BET1: variants seen among roughly 807,000 people sequenced by gnomAD.
BET1 encodes BET1 homolog.
A neutral mutation model predicts 13.9 loss-of-function variants in BET1; 9 were observed. That is an observed-to-expected ratio of 0.65 (90% CI 0.39 to 1.13). The LOEUF is 1.13. Ranked by LOEUF, BET1 falls within the 50% of genes most tolerant of loss-of-function variation. The pLI is 0.01. For synonymous variants in BET1, 39 were observed against 47.3 expected, an observed-to-expected ratio of 0.82 and a Z score of 0.72; for missense variants, 127 against 133.6, an observed-to-expected ratio of 0.95 and a Z score of 0.24.
At chr7:93,974,169 A>G (rs757899509) in intron 5 of BET1, among the ~76,000 whole-genome samples, 6 of 152,014 alleles carry the variant, frequency 3.9e-5, no homozygotes, top group Admixed American at 6.6e-5. Flanking sequence ...TTGGATTGGA[A>G]TTGTAGATAT....
chr7:93,983,671 T>C (rs1160241241), intron 4 of BET1, among the ~76,000 whole-genome samples: 1 of 152,184 alleles, frequency 6.6e-6, no homozygotes, highest in Non-Finnish European at 1.5e-5. Context: ...CAGAATATTT[T>C]CCTTGATTTC....
chr7:93,991,793 A>G, downstream of BET1: 5 of 966,976 alleles, frequency 5.2e-6, no homozygotes, highest in Non-Finnish European at 6.1e-6. Flanking sequence ...ATATTTAGTC[A>G]AAGTTTATTC....
At chr7:93,964,859 T>C (rs1795148887) in exon 7 of BET1, 1 of 152,000 alleles carries the variant, frequency 6.6e-6, no homozygotes, top group African/African-American at 2.4e-5. Context: ...AAGAGAACAC[T>C]TATACATAGT....
intron 6 of BET1, among the ~76,000 whole-genome samples, chr7:93,971,800 A>G (rs1040643011): frequency 6.6e-6 from 1 of 151,794 alleles, no homozygotes; most frequent in Admixed American, 6.6e-5. Context: ...TTCATTACTA[A>G]TGAGATTTAA....
chr7:93,983,740 C>A (rs954103799), intron 4 of BET1, among the ~76,000 whole-genome samples: 2 of 151,954 alleles, frequency 1.3e-5, no homozygotes, highest in African/African-American at 4.8e-5. Flanking sequence ...CAATTCAATT[C>A]TTCAGTCATG....
intron 4 of BET1, among the ~76,000 whole-genome samples, chr7:93,976,771 C>T (rs1461731444): frequency 6.6e-6 from 1 of 151,902 alleles, no homozygotes; most frequent in African/African-American, 2.4e-5. Flanking sequence ...TTTGGTGCAC[C>T]CATTACCTGA....
At chr7:93,983,148 C>T (rs1795457312) in intron 4 of BET1, among the ~76,000 whole-genome samples, 1 of 152,132 alleles carries the variant, frequency 6.6e-6, no homozygotes, top group South Asian at 2.1e-4. Flanking sequence ...TAAGGCATGA[C>T]CCATGGCTTG....
intron 4 of BET1, chr7:93,976,139 T>C (rs779996709): frequency 1.6e-4 from 179 of 1,135,114 alleles, no homozygotes; most frequent in Non-Finnish European, 1.9e-4. Flanking sequence ...CTAAATAATT[T>C]GAAAAAACAA....
exon 7 of BET1, chr7:93,965,190 T>C (rs934761736): frequency 1.3e-5 from 2 of 152,104 alleles, no homozygotes; most frequent in African/African-American, 4.8e-5. Flanking sequence ...TTGATCCATG[T>C]ACTTTGAGGA....
chr7:93,966,515 T>C (rs1353836164), intron 6 of BET1, among the ~76,000 whole-genome samples: 3 of 151,928 alleles, frequency 2.0e-5, no homozygotes, highest in Non-Finnish European at 4.4e-5. Context: ...GCCATTTCCT[T>C]TTCTAGTGCT....
At chr7:93,978,375 C>T (rs1289555806) in intron 4 of BET1, among the ~76,000 whole-genome samples, 2 of 152,094 alleles carry the variant, frequency 1.3e-5, no homozygotes, top group African/African-American at 2.4e-5. Context: ...GGCCTGCAAT[C>T]TCATTTTTAA....
chr7:93,996,193 A>C, intron 3 of BET1, 72 bp downstream of exon 3: 1 of 1,153,060 alleles, frequency 8.7e-7, no homozygotes, highest in South Asian at 1.3e-5. Context: ...TTTCAAAATG[A>C]ATAAAAGTTG....
chr7:93,991,465 T>C (rs771838901), downstream of BET1, among the ~76,000 whole-genome samples: 13 of 152,186 alleles, frequency 8.5e-5, no homozygotes, highest in Admixed American at 3.3e-4. Flanking sequence ...AGAGAGCTAA[T>C]TGTGCATGTA....
rs1226283124 is a variant in BET1 at position 93,996,297 on chromosome 7, C to T, written c.169G>A (p.Val57Ile). 6.3e-7 allele frequency: 1 copy of T among 1,579,054 alleles called. No homozygotes were observed. Among genetic ancestry groups the T allele is most frequent in the East Asian group, 2.3e-5 (1 of 43,626 alleles). ...KSLSIEIGHE[V>I]KTQNKLLAEM... ...GCTAATAATTTATTCTGGGTTTTAACTTCATGGCCTATTTCAATGGAAAGC... is the reference window on the plus strand; with the variant it reads ...GCTAATAATTTATTCTGGGTTTTAATTTCATGGCCTATTTCAATGGAAAGC... Residue 57 changes from valine to isoleucine, a missense_variant, in exon 3 of 4, where the codon GTT becomes ATT. Physicochemically the swap from Val to Ile is conservative, Grantham distance 29. Coordinates refer to ENST00000222547, the MANE Select transcript of BET1 (RefSeq NM_005868.6).
At chr7:93,995,898 G>A (rs1265712743) in intron 3 of BET1, 4 of 313,320 alleles carry the variant, frequency 1.3e-5, no homozygotes, top group African/African-American at 4.3e-5. Context: ...TTAAGTGAAC[G>A]ACATTTAGTT....
chr7:93,991,928 T>C (rs1412114722), downstream of BET1: 5 of 981,410 alleles, frequency 5.1e-6, no homozygotes, highest in Non-Finnish European at 4.8e-6. Flanking sequence ...TTAGGAGCAT[T>C]AAAAAATTAG....
chr7:93,978,213 G>A (rs1051035745), intron 4 of BET1, among the ~76,000 whole-genome samples: 1 of 152,070 alleles, frequency 6.6e-6, no homozygotes, highest in Non-Finnish European at 1.5e-5. Context: ...GGGACTAAAG[G>A]CATGTACCAT....
intron 1 of BET1, chr7:94,000,332 C>T (rs1795871564): frequency 6.6e-6 from 1 of 151,100 alleles, no homozygotes; most frequent in African/African-American, 2.4e-5. Context: ...CCAGGATGGT[C>T]TCGATCTCCT....
chr7:93,964,531 T>A (rs1795144028), exon 7 of BET1: 1 of 152,072 alleles, frequency 6.6e-6, no homozygotes, highest in African/African-American at 2.4e-5. Flanking sequence ...GGCACCCCAG[T>A]TGATTCCATG....
Sources: allele counts gnomAD v4.1 joint callset (sites outside exome capture counted in the v4.1 genomes callset), GRCh38; gene constraint gnomAD v4.1.1; transcripts MANE v1.5; gene names NCBI Gene and HGNC (gene_info 2026-07-23, HGNC 2026-07-21).